Variants in EPB41L4A observed in about 807,000 individuals in gnomAD.
The protein encoded by EPB41L4A is erythrocyte membrane protein band 4.1 like 4A, also known as band 4.1-like protein 4A.
Under a neutral mutation model 108.6 loss-of-function variants are expected in EPB41L4A, and 100 were observed. That is an observed-to-expected ratio of 0.92 (90% CI 0.78 to 1.09). The LOEUF is 1.09. EPB41L4A is among the 50% of genes least tolerant of loss of function. The pLI, the probability that EPB41L4A is intolerant of heterozygous loss-of-function variation, is 0.00. For synonymous variants in EPB41L4A, 319 were observed against 289.0 expected (o/e 1.10, Z -1.05); for missense variants, 1,030 against 842.7 (o/e 1.22, Z -2.75).
chr5:112,276,954 TTTC>T (rs1163888418), intron 3 of EPB41L4A, among the ~76,000 whole-genome samples: 2 of 152,196 alleles, frequency 1.3e-5, no homozygotes, highest in Non-Finnish European at 2.9e-5. Context: ...ACTGCTAGAA[TTTC>T]TTATTATTGG....
intron 9 of EPB41L4A, among the ~76,000 whole-genome samples, chr5:112,244,783 C>A (rs765352060): frequency 4.8e-4 from 73 of 152,188 alleles, no homozygotes; most frequent in Middle Eastern, 6.8e-3. Context: ...CTGCTGGCAC[C>A]CACCTGTGCA....
intron 1 of EPB41L4A, among the ~76,000 whole-genome samples, chr5:112,335,301 ACAGT>A (rs1488659717): frequency 6.6e-6 from 1 of 152,224 alleles, no homozygotes; most frequent in Admixed American, 6.5e-5. Flanking sequence ...TCCTTCTTGA[ACAGT>A]CAGACACCTT....
intron 4 of EPB41L4A, among the ~76,000 whole-genome samples, chr5:112,269,973 G>A (rs1752146903): frequency 6.6e-6 from 1 of 152,140 alleles, no homozygotes; most frequent in South Asian, 2.1e-4. Flanking sequence ...CACGAGAGAC[G>A]GGCCTGAAAT....
intron 1 of EPB41L4A, among the ~76,000 whole-genome samples, chr5:112,330,938 G>C (rs1756523236): frequency 6.6e-6 from 1 of 152,134 alleles, no homozygotes; most frequent in African/African-American, 2.4e-5. Flanking sequence ...CTTCAGTACT[G>C]TTTCCATTTC....
intron 1 of EPB41L4A, among the ~76,000 whole-genome samples, chr5:112,309,810 T>A (rs141762546): frequency 6.6e-6 from 1 of 152,252 alleles, no homozygotes; most frequent in African/African-American, 2.4e-5. Flanking sequence ...ATTCAAACCA[T>A]GAGAAGGGTT....
At chr5:112,212,305 T>C (rs12653779) in intron 12 of EPB41L4A, among the ~76,000 whole-genome samples, 47,461 of 149,136 alleles carry the variant, frequency 0.32, 8,408 homozygotes, top group East Asian at 0.66. Flanking sequence ...TTTTTTTTTT[T>C]CTCCTGAGAC....
At chr5:112,174,698 GCAATA>G (rs1488519346) in intron 18 of EPB41L4A, among the ~76,000 whole-genome samples, 2 of 151,732 alleles carry the variant, frequency 1.3e-5, no homozygotes, top group Non-Finnish European at 2.9e-5. Flanking sequence ...CATAATATGG[GCAATA>G]CATTATCCAG....
intron 17 of EPB41L4A, among the ~76,000 whole-genome samples, chr5:112,190,884 GAAA>G: frequency 7.5e-6 from 1 of 133,834 alleles, no homozygotes; most frequent in South Asian, 3.3e-4. Flanking sequence ...GGAAACAGAA[GAAA>G]GAAAAAAGAC....
chr5:112,361,715 ATAAT>A (rs762973996), intron 1 of EPB41L4A, among the ~76,000 whole-genome samples: 20,037 of 132,662 alleles, frequency 0.15, 1,590 homozygotes, highest in East Asian at 0.33. Context: ...AAAAAAAATA[ATAAT>A]AATAATAATA....
intron 12 of EPB41L4A, among the ~76,000 whole-genome samples, chr5:112,146,840 G>A (rs1417328183): frequency 6.6e-6 from 1 of 152,142 alleles, no homozygotes; most frequent in Non-Finnish European, 1.5e-5. Flanking sequence ...ACTCAAAGAT[G>A]TTTCATACTT....
intron 13 of EPB41L4A, among the ~76,000 whole-genome samples, chr5:112,208,578 G>T (rs577827350): frequency 6.6e-6 from 1 of 152,156 alleles, no homozygotes; most frequent in African/African-American, 2.4e-5. Context: ...GACCACTAGA[G>T]GAGGAGAGGG....
At chr5:112,242,554 A>C in intron 9 of EPB41L4A, among the ~76,000 whole-genome samples, 1 of 152,194 alleles carries the variant, frequency 6.6e-6, no homozygotes. Context: ...ATCTTCTTTC[A>C]AACTCCTGCT....
At chr5:112,271,909 G>T (rs766206714) in intron 4 of EPB41L4A, among the ~76,000 whole-genome samples, 1 of 152,098 alleles carries the variant, frequency 6.6e-6, no homozygotes, top group Non-Finnish European at 1.5e-5. Flanking sequence ...CAGAATATAC[G>T]ACCTGAAAGT....
intron 2 of EPB41L4A, among the ~76,000 whole-genome samples, chr5:112,301,000 T>C (rs1157246459): frequency 6.6e-6 from 1 of 152,154 alleles, no homozygotes; most frequent in Non-Finnish European, 1.5e-5. Context: ...GAAGTTGTGA[T>C]TGTTTTTTAT....
chr5:112,170,898 A>G lies in EPB41L4A; in HGVS notation c.1670+47T>C, dbSNP rs376459039. 80 of 1,561,692 alleles carry G rather than the reference A, an allele frequency of 5.1e-5. No homozygotes were observed. The African/African-American group carries it at 1.0e-3, about 20-fold the overall frequency. ...CAGGAGTCTTCCTTGCAATTGCATT[A>G]AAACTACATGGGTTTTAAAACAATA... On this transcript the variant is annotated intron_variant, in intron 19 of 22. Coordinates refer to ENST00000261486, the MANE Select transcript of EPB41L4A (RefSeq NM_022140.5).
At chr5:112,170,878 G>T in intron 19 of EPB41L4A, 67 bp downstream of exon 19, 1 of 1,422,726 alleles carries the variant, frequency 7.0e-7, no homozygotes, top group Non-Finnish European at 9.9e-7. Flanking sequence ...AGTATCAGGA[G>T]TCTTCCTTGC....
intron 3 of EPB41L4A, 61 bp downstream of exon 3, chr5:112,280,211 A>G: frequency 6.9e-7 from 1 of 1,443,640 alleles, no homozygotes; most frequent in Non-Finnish European, 9.8e-7. Context: ...CACCCAACTA[A>G]TCATGGACTT....
rs1762367167 is a variant in EPB41L4A at position 112,204,408 on chromosome 5, C to G, written c.1343G>C (p.Ser448Thr). The G allele has an allele frequency of 6.2e-7, 1 of 1,613,820 alleles. No homozygotes were observed. The highest frequency in any genetic ancestry group is 8.5e-7 in the Non-Finnish European group (1 of 1,179,774). Residue 448 changes from serine (S) to threonine (T), a missense_variant, in exon 15 of 23, where the codon AGT becomes ACT. By Grantham distance (58) the Ser-to-Thr change is moderately conservative. Transcript: ENST00000261486. ...CACAGGCTGTACAGAATCATTGTCA[C>G]TTCCACAGGAGGGGTTTCGGCGACG... Reference protein sequence around the residue: ...YTRRRNPSCGSDNDSVQPVRR... With the variant: ...YTRRRNPSCGTDNDSVQPVRR...
At chr5:112,157,440 A>G (rs1759689837) in intron 12 of EPB41L4A, among the ~76,000 whole-genome samples, 1 of 152,228 alleles carries the variant, frequency 6.6e-6, no homozygotes, top group Non-Finnish European at 1.5e-5. Flanking sequence ...TTCTCTTGCT[A>G]CCATAACAAA....
Sources: allele counts gnomAD v4.1 joint callset (sites outside exome capture counted in the v4.1 genomes callset), GRCh38; gene constraint gnomAD v4.1.1; transcripts MANE v1.5; gene names NCBI Gene and HGNC (gene_info 2026-07-23, HGNC 2026-07-21).